COBL: variants seen among roughly 807,000 people sequenced by gnomAD.
The protein encoded by COBL is cordon-bleu WH2 repeat protein.
In COBL, 51 loss-of-function variants were observed where a neutral mutation model predicts 98.8. That is an observed-to-expected ratio of 0.52 (90% CI 0.41 to 0.65). The LOEUF (loss-of-function observed/expected upper bound fraction) is 0.65. Among genes scored for constraint, COBL ranks in the 30% least tolerant of loss-of-function variants. The pLI is 0.00. For synonymous variants in COBL, 634 were observed against 651.7 expected (o/e 0.97, Z 0.41); for missense variants, 1,617 against 1,617.5 (o/e 1.00, Z 0.01).
rs1402143731 is a variant in COBL, at chr7:51,259,788, G to C, written c.42-39844C>G. 1.5e-5 allele frequency: 11 copies of C among 750,952 alleles called. No individual in the cohort carries two copies. In the East Asian group the frequency reaches 2.4e-4, roughly 17 times the overall value. 46.5% of individuals were successfully genotyped at this position (750,952 alleles called of 1,614,324 possible). A position where few individuals can be genotyped will look rare whatever the true frequency, so the allele number is the denominator to read the frequency against. Reference sequence around the variant, plus strand: ...GTTTCCACTATGGGCAGCATTTTTAGGTTCTGGGGGGTGACTTTTACAAAG... The same window carrying C: ...GTTTCCACTATGGGCAGCATTTTTACGTTCTGGGGGGTGACTTTTACAAAG... On this transcript the variant is annotated intron_variant, in intron 1 of 12. Coordinates refer to ENST00000265136, the MANE Select transcript of COBL (RefSeq NM_015198.5).
intron 7 of COBL, among the ~76,000 whole-genome samples, chr7:51,078,610 G>T (rs1176824393): frequency 6.6e-6 from 1 of 152,188 alleles, no homozygotes; most frequent in Non-Finnish European, 1.5e-5. Flanking sequence ...AAATGTAGAG[G>T]CTTAAAACAG....
At position 51,029,493 on chromosome 7, in the gene COBL, C is replaced by T. The variant is rs754619669; in HGVS notation, c.1603G>A (p.Asp535Asn). Reference sequence around the variant, plus strand: ...AATGTTACTGGGATTGCATCTGTGTCGCCGTGAGGGATCATGGCATCCTGT... The same window carrying T: ...AATGTTACTGGGATTGCATCTGTGTTGCCGTGAGGGATCATGGCATCCTGT... ...CPQDAMIPHGDTDAIPVTFIG... is the reference protein window; with the variant it reads ...CPQDAMIPHGNTDAIPVTFIG... Residue 535 changes from aspartate (D) to asparagine (N), a missense_variant, in exon 10 of 13, where the codon GAC becomes AAC. Around this residue, in one of 3 missense-constraint regions of COBL, gnomAD observed 1,304 missense variants for 1,282.0 expected, o/e 1.02. Transcript: ENST00000265136. The T allele has an allele frequency of 8.1e-6, 13 of 1,613,996 alleles. No individual in the cohort carries two copies. Among genetic ancestry groups the T allele is most frequent in the East Asian group, 6.7e-5 (3 of 44,890 alleles).
At chr7:51,104,034 G>T (rs561311188) in intron 6 of COBL, among the ~76,000 whole-genome samples, 9 of 152,212 alleles carry the variant, frequency 5.9e-5, no homozygotes, top group Non-Finnish European at 5.9e-5. Flanking sequence ...AGAGAGTCAG[G>T]GTCAAGTCTG....
chr7:51,079,610 T>C lies in COBL; in HGVS notation c.1096+5556A>G, dbSNP rs73695277. 4.9e-3 allele frequency among the ~76,000 whole-genome samples: 743 copies of C among 152,300 alleles called. 6 individuals carry two copies. The highest frequency in any genetic ancestry group is 0.017 in the African/African-American group (702 of 41,572). On this transcript the variant is annotated intron_variant, in intron 7 of 12. Coordinates refer to ENST00000265136, the MANE Select transcript of COBL (RefSeq NM_015198.5). ...TAAAGGATAAATGCCTAGAGGGCAGTGGGAGGAATTCCCACTGGAGGGAGT... is the reference window on the plus strand; with the variant it reads ...TAAAGGATAAATGCCTAGAGGGCAGCGGGAGGAATTCCCACTGGAGGGAGT...
At chr7:51,139,439 C>T (rs1799535871) in intron 5 of COBL, among the ~76,000 whole-genome samples, 1 of 152,166 alleles carries the variant, frequency 6.6e-6, no homozygotes, top group African/African-American at 2.4e-5. Flanking sequence ...CCTCATGAGG[C>T]CTTCATCTGT....
intron 6 of COBL, among the ~76,000 whole-genome samples, chr7:51,119,891 G>T (rs545886898): frequency 7.9e-4 from 121 of 152,304 alleles, no homozygotes; most frequent in African/African-American, 2.8e-3. Context: ...ACTCAGAAAA[G>T]TTGATTGGCA....
intron 7 of COBL, among the ~76,000 whole-genome samples, chr7:51,060,730 T>C (rs1054498670): frequency 1.3e-5 from 2 of 152,188 alleles, no homozygotes; most frequent in Non-Finnish European, 2.9e-5. Flanking sequence ...CGATGGGTCT[T>C]AGGTCCAGAG....
chr7:51,102,103 C>T (rs978459874), intron 6 of COBL, among the ~76,000 whole-genome samples: 3 of 152,146 alleles, frequency 2.0e-5, no homozygotes, highest in African/African-American at 7.2e-5. Flanking sequence ...CTTCTGGCGC[C>T]ATGATCGTGG....
At chr7:51,266,522 G>A (rs1363028617) in intron 1 of COBL, among the ~76,000 whole-genome samples, 2 of 152,180 alleles carry the variant, frequency 1.3e-5, no homozygotes, top group Non-Finnish European at 2.9e-5. Flanking sequence ...AGGTTGCGGT[G>A]AGCCAAGATC....
intron 12 of COBL, among the ~76,000 whole-genome samples, chr7:51,023,933 T>C (rs1281948157): frequency 6.6e-6 from 1 of 152,164 alleles, no homozygotes; most frequent in Non-Finnish European, 1.5e-5. Flanking sequence ...CCACTTTATA[T>C]AGAAAGTGAG....
chr7:51,026,799 G>C (rs1367213970), intron 10 of COBL, 134 bp from the exon 11 acceptor site: 2 of 1,128,930 alleles, frequency 1.8e-6, no homozygotes, highest in Non-Finnish European at 2.5e-6. Context: ...TCGGGAGGCT[G>C]TGGCACCAGA....
intron 1 of COBL, among the ~76,000 whole-genome samples, chr7:51,241,154 T>G (rs1434684159): frequency 6.6e-6 from 1 of 152,220 alleles, no homozygotes; most frequent in East Asian, 1.9e-4. Flanking sequence ...CATCTGTTGT[T>G]TTTTAAGGAT....
intron 6 of COBL, among the ~76,000 whole-genome samples, chr7:51,086,164 T>G (rs999155931): frequency 2.6e-5 from 4 of 152,002 alleles, no homozygotes; most frequent in African/African-American, 9.7e-5. Flanking sequence ...ATTCATTGAT[T>G]AAAGAACATT....
At chr7:51,225,864 C>T (rs1794127596) in intron 1 of COBL, among the ~76,000 whole-genome samples, 1 of 152,162 alleles carries the variant, frequency 6.6e-6, no homozygotes, top group African/African-American at 2.4e-5. Context: ...GAATGCAAAT[C>T]GCAGGTGTGA....
At chr7:51,101,477 C>G (rs1174174999) in intron 6 of COBL, among the ~76,000 whole-genome samples, 1 of 152,208 alleles carries the variant, frequency 6.6e-6, no homozygotes, top group Non-Finnish European at 1.5e-5. Flanking sequence ...CAAGATCATA[C>G]AAGTAATAAG....
At chr7:51,188,579 G>A (rs899964908) in intron 4 of COBL, among the ~76,000 whole-genome samples, 3 of 152,218 alleles carry the variant, frequency 2.0e-5, no homozygotes, top group Non-Finnish European at 2.9e-5. Context: ...GGGGAAGCTC[G>A]TGGTGCCTTG....
intron 5 of COBL, among the ~76,000 whole-genome samples, chr7:51,171,569 TATTA>T (rs2129043646): frequency 6.6e-6 from 1 of 152,310 alleles, no homozygotes; most frequent in Non-Finnish European, 1.5e-5. Flanking sequence ...TCTTTCATCT[TATTA>T]ATGTCTTTTC....
At chr7:51,129,311 T>A (rs573955245) in intron 6 of COBL, among the ~76,000 whole-genome samples, 4 of 151,590 alleles carry the variant, frequency 2.6e-5, no homozygotes, top group African/African-American at 9.7e-5. Context: ...TGCGCTCACA[T>A]GGTGGAAGGG....
chr7:51,208,145 G>C lies in COBL; in HGVS notation c.245+11596C>G, dbSNP rs538142692. Among the ~76,000 whole-genome samples, 7 of 150,666 alleles carry C rather than the reference G, an allele frequency of 4.6e-5. No homozygotes were observed. In the South Asian group the frequency reaches 8.5e-4, roughly 18 times the overall value. On this transcript the variant is annotated intron_variant, in intron 2 of 12. Coordinates refer to ENST00000265136, the MANE Select transcript of COBL (RefSeq NM_015198.5). ...TGACCCCGTCTGGGAGGTGAGGAGC[G>C]TCTCTGCCTGGCCGCCCCGTCTGAG...
Sources: allele counts gnomAD v4.1 joint callset (sites outside exome capture counted in the v4.1 genomes callset), GRCh38; gene constraint gnomAD v4.1.1; regional missense constraint gnomAD v4.1.1; transcripts MANE v1.5; gene names NCBI Gene and HGNC (gene_info 2026-07-23, HGNC 2026-07-21).